Variants in NBAS observed in about 807,000 individuals in gnomAD.
The protein encoded by NBAS is NBAS subunit of NRZ tethering complex.
In NBAS, 219 loss-of-function variants were observed where a neutral mutation model predicts 302.5. That is an observed-to-expected ratio of 0.72 (90% CI 0.65 to 0.81). The LOEUF is 0.81. Ranked by LOEUF, NBAS falls within the 30% of genes least tolerant of loss-of-function variation. NBAS has a pLI of 0.00. For missense variants in NBAS, 2,932 were observed against 2,841.6 expected, an observed-to-expected ratio of 1.03 and a Z score of -0.72; for synonymous variants, 1,118 against 1,021.6, an observed-to-expected ratio of 1.09 and a Z score of -1.80.
the NBAS span, among the ~76,000 whole-genome samples, chr2:14,940,952 A>G: frequency 6.6e-6 from 1 of 152,212 alleles, no homozygotes; most frequent in African/African-American, 2.4e-5. Flanking sequence ...CTTACTGTCT[A>G]GGGCCCCTAG....
chr2:15,425,764 A>G (rs1397691644), intron 22 of NBAS, among the ~76,000 whole-genome samples: 2 of 152,134 alleles, frequency 1.3e-5, no homozygotes, highest in African/African-American at 4.8e-5. Flanking sequence ...TGCAAGAAAA[A>G]GGGGCCAACA....
intron 38 of NBAS, among the ~76,000 whole-genome samples, chr2:15,312,625 A>G (rs1474866784): frequency 6.6e-6 from 1 of 152,112 alleles, no homozygotes; most frequent in East Asian, 1.9e-4. Flanking sequence ...TTTTCCCACT[A>G]TTTAGGTTTG....
At chr2:15,171,873 C>T (rs892104509) in intron 51 of NBAS, among the ~76,000 whole-genome samples, 4 of 152,226 alleles carry the variant, frequency 2.6e-5, no homozygotes, top group African/African-American at 4.8e-5. Context: ...GCCGTCGACA[C>T]GCCAAGGAGA....
At chr2:15,189,765 G>A (rs1665260057) in intron 49 of NBAS, among the ~76,000 whole-genome samples, 2 of 152,186 alleles carry the variant, frequency 1.3e-5, no homozygotes, top group African/African-American at 2.4e-5. Context: ...TATTAGCCGT[G>A]TGAAGCCTGA....
chr2:14,945,636 G>A, the NBAS span, among the ~76,000 whole-genome samples: 1 of 152,052 alleles, frequency 6.6e-6, no homozygotes, highest in African/African-American at 2.4e-5. Flanking sequence ...AAATGTACAT[G>A]TTGAACTAAA....
At chr2:15,326,415 C>T (rs935470209) in intron 38 of NBAS, among the ~76,000 whole-genome samples, 3 of 152,100 alleles carry the variant, frequency 2.0e-5, no homozygotes, top group Admixed American at 6.5e-5. Context: ...TACTTCAGTC[C>T]GTTATTACGC....
At chr2:15,394,373 T>A in intron 27 of NBAS, 24 bp from the exon 28 acceptor site, 1 of 1,610,870 alleles carries the variant, frequency 6.2e-7, no homozygotes, top group Non-Finnish European at 8.5e-7. Flanking sequence ...AAGAATTATT[T>A]AATGTCTTGC....
intron 44 of NBAS, among the ~76,000 whole-genome samples, chr2:15,251,888 C>T (rs1668381172): frequency 6.6e-6 from 1 of 152,168 alleles, no homozygotes; most frequent in Non-Finnish European, 1.5e-5. Flanking sequence ...AAGTTTCAGC[C>T]TTATTTCACC....
chr2:15,244,135 T>C (rs1031216353), intron 44 of NBAS, among the ~76,000 whole-genome samples: 7 of 151,956 alleles, frequency 4.6e-5, no homozygotes, highest in African/African-American at 1.7e-4. Flanking sequence ...TCAAAACAAA[T>C]GAAAAGACCC....
intron 2 of NBAS, 87 bp downstream of exon 2, chr2:15,558,493 C>G (rs746196848): frequency 1.0e-6 from 1 of 1,004,592 alleles, no homozygotes; most frequent in East Asian, 2.6e-5. Flanking sequence ...ACACACATTA[C>G]TTTTATTAGG....
At chr2:15,122,425 C>T in the NBAS span, among the ~76,000 whole-genome samples, 1 of 152,126 alleles carries the variant, frequency 6.6e-6, no homozygotes, top group Non-Finnish European at 1.5e-5. Flanking sequence ...TTTAAACACC[C>T]AGATCGCATG....
intron 48 of NBAS, among the ~76,000 whole-genome samples, chr2:15,191,700 T>G (rs1202820858): frequency 6.6e-6 from 1 of 152,192 alleles, no homozygotes; most frequent in Non-Finnish European, 1.5e-5. Flanking sequence ...CAGGATGTTC[T>G]GAAACTAGAA....
At chr2:14,900,981 T>C in the NBAS span, among the ~76,000 whole-genome samples, 3 of 152,204 alleles carry the variant, frequency 2.0e-5, no homozygotes, top group East Asian at 5.8e-4. Flanking sequence ...TGGCTGATAC[T>C]TGAGGTCCAC....
chr2:15,353,234 C>T (rs1477707385), intron 34 of NBAS, among the ~76,000 whole-genome samples: 3 of 152,184 alleles, frequency 2.0e-5, no homozygotes, highest in African/African-American at 7.2e-5. Context: ...TGATTTCAGA[C>T]ATATTTTACA....
intron 48 of NBAS, among the ~76,000 whole-genome samples, chr2:15,202,625 C>T (rs539460275): frequency 2.0e-5 from 3 of 152,126 alleles, no homozygotes; most frequent in East Asian, 3.9e-4. Flanking sequence ...CTGCAACCTC[C>T]GCCTCCTGGG....
chr2:15,100,522 G>A, the NBAS span, among the ~76,000 whole-genome samples: 12 of 152,102 alleles, frequency 7.9e-5, no homozygotes. Context: ...AATGATAAGT[G>A]GTTTGATCAT....
At chr2:14,820,892 T>G in the NBAS span, among the ~76,000 whole-genome samples, 1 of 151,904 alleles carries the variant, frequency 6.6e-6, no homozygotes, top group Non-Finnish European at 1.5e-5. Flanking sequence ...GCAGCTTCTG[T>G]GAGGTCTGCA....
chr2:15,085,973 G>A, the NBAS span, among the ~76,000 whole-genome samples: 1 of 152,152 alleles, frequency 6.6e-6, no homozygotes, highest in African/African-American at 2.4e-5. Flanking sequence ...CAGGGATGGA[G>A]GCAGGAGGCA....
the NBAS span, among the ~76,000 whole-genome samples, chr2:14,976,483 C>T: frequency 6.6e-6 from 1 of 152,182 alleles, no homozygotes. Flanking sequence ...TTGAACATTC[C>T]AGGCATTCAA....
Sources: allele counts gnomAD v4.1 joint callset (sites outside exome capture counted in the v4.1 genomes callset), GRCh38; gene constraint gnomAD v4.1.1; transcripts MANE v1.5; gene names NCBI Gene and HGNC (gene_info 2026-07-23, HGNC 2026-07-21).